The following DLGAP1 variants were observed in gnomAD, a reference collection of about 807,000 sequenced individuals.
The protein encoded by DLGAP1 is disks large-associated protein 1.
DLGAP1 carries 11 observed loss-of-function variants against 90.8 expected under a neutral mutation model. That is an observed-to-expected ratio of 0.12 (90% CI 0.08 to 0.20). DLGAP1 has a LOEUF of 0.20. Ranked by LOEUF, DLGAP1 falls within the 10% of genes least tolerant of loss-of-function variation. The pLI is 1.00. For synonymous variants in DLGAP1, 558 were observed against 540.7 expected, an observed-to-expected ratio of 1.03 and a Z score of -0.44; for missense variants, 1,050 against 1,333.8, an observed-to-expected ratio of 0.79 and a Z score of 3.31.
At chr18:3,864,210 C>T (rs1013662678) in intron 4 of DLGAP1, among the ~76,000 whole-genome samples, 3 of 152,176 alleles carry the variant, frequency 2.0e-5, no homozygotes, top group African/African-American at 4.8e-5. Context: ...GAGGGGAATA[C>T]ATGTTACAAC....
At chr18:3,746,680 A>C (rs1044857682) in intron 5 of DLGAP1, among the ~76,000 whole-genome samples, 7 of 152,164 alleles carry the variant, frequency 4.6e-5, no homozygotes, top group African/African-American at 1.7e-4. Flanking sequence ...TAAATATATA[A>C]ATTCACAGGA....
chr18:4,280,772 C>G (rs773934915), intron 1 of DLGAP1: 3 of 152,206 alleles, frequency 2.0e-5, no homozygotes, highest in Non-Finnish European at 4.4e-5. Flanking sequence ...ATGAAGTAAG[C>G]AACGATGACC....
intron 4 of DLGAP1, among the ~76,000 whole-genome samples, chr18:3,841,660 C>T (rs1040234460): frequency 8.5e-5 from 13 of 152,118 alleles, no homozygotes; most frequent in African/African-American, 3.1e-4. Flanking sequence ...ATGGGAACAA[C>T]AACACGAAGA....
chr18:4,096,089 G>A (rs185773359), intron 2 of DLGAP1, among the ~76,000 whole-genome samples: 30 of 152,266 alleles, frequency 2.0e-4, no homozygotes, highest in Middle Eastern at 3.4e-3. Flanking sequence ...GCAGTGTGGT[G>A]ATCTCAGCTC....
intron 1 of DLGAP1, among the ~76,000 whole-genome samples, chr18:4,263,067 G>T (rs569825021): frequency 4.6e-5 from 7 of 152,178 alleles, no homozygotes; most frequent in African/African-American, 1.7e-4. Context: ...CGGAGTAGCT[G>T]GGACTACAGG....
intron 7 of DLGAP1, among the ~76,000 whole-genome samples, chr18:3,632,738 T>C (rs369485656): frequency 1.3e-5 from 2 of 152,306 alleles, no homozygotes; most frequent in South Asian, 2.1e-4. Flanking sequence ...GAAGGTTATA[T>C]GTGGCCTAGA....
At chr18:3,823,405 C>T (rs531053054) in intron 4 of DLGAP1, among the ~76,000 whole-genome samples, 9 of 152,258 alleles carry the variant, frequency 5.9e-5, no homozygotes, top group African/African-American at 1.7e-4. Flanking sequence ...CATAATTTCA[C>T]GTAATACAAA....
At chr18:4,203,758 T>A (rs1354348206) in intron 1 of DLGAP1, among the ~76,000 whole-genome samples, 1 of 152,196 alleles carries the variant, frequency 6.6e-6, no homozygotes, top group Non-Finnish European at 1.5e-5. Flanking sequence ...TACTTGGCTT[T>A]GGAAGTTCAT....
chr18:3,555,904 C>G (rs573079648), intron 9 of DLGAP1, among the ~76,000 whole-genome samples: 1 of 152,088 alleles, frequency 6.6e-6, no homozygotes, highest in African/African-American at 2.4e-5. Context: ...GTAAAGGAGA[C>G]GACTTTCTCC....
chr18:3,626,297 GAA>G (rs61225561), intron 7 of DLGAP1, among the ~76,000 whole-genome samples: 19 of 127,798 alleles, frequency 1.5e-4, no homozygotes, highest in South Asian at 7.4e-4. Flanking sequence ...TCTCAAAAAA[GAA>G]AAAAAAAAAA....
chr18:3,717,521 T>C (rs80322338), intron 7 of DLGAP1, among the ~76,000 whole-genome samples: 1 of 152,060 alleles, frequency 6.6e-6, no homozygotes, highest in Non-Finnish European at 1.5e-5. Flanking sequence ...CTAGAGGTTC[T>C]TTTTTTTCCA....
chr18:3,963,155 CCTT>C (rs2073241372), intron 3 of DLGAP1, among the ~76,000 whole-genome samples: 1 of 152,050 alleles, frequency 6.6e-6, no homozygotes. Context: ...GGGGATTTTT[CCTT>C]AACTGGAACA....
chr18:4,077,420 A>AGGT (rs2075539764), intron 2 of DLGAP1, among the ~76,000 whole-genome samples: 1 of 152,120 alleles, frequency 6.6e-6, no homozygotes. Flanking sequence ...CCAGTGTCAG[A>AGGT]GGTGGTGCTC....
chr18:3,543,560 AT>A (rs1378727484), intron 9 of DLGAP1, among the ~76,000 whole-genome samples: 1 of 152,248 alleles, frequency 6.6e-6, no homozygotes, highest in Admixed American at 6.5e-5. Flanking sequence ...TATAGGCCAG[AT>A]AAAACCTATA....
chr18:3,896,428 GATAAT>G (rs2071626797), intron 3 of DLGAP1: 2 of 152,168 alleles, frequency 1.3e-5, no homozygotes, highest in Non-Finnish European at 2.9e-5. Flanking sequence ...ATACAAAAAG[GATAAT>G]ACTACCATAT....
chr18:3,669,726 G>C (rs1227261990), intron 7 of DLGAP1, among the ~76,000 whole-genome samples: 1 of 152,196 alleles, frequency 6.6e-6, no homozygotes, highest in Non-Finnish European at 1.5e-5. Context: ...CTTCTACTCA[G>C]TAAAACTTTC....
At chr18:4,157,064 G>GT (rs1426847824) in intron 1 of DLGAP1, among the ~76,000 whole-genome samples, 1 of 152,072 alleles carries the variant, frequency 6.6e-6, no homozygotes, top group Non-Finnish European at 1.5e-5. Flanking sequence ...TTTAAATCCT[G>GT]TTTTAGACGT....
At chr18:4,359,210 A>G (rs551158453) in intron 1 of DLGAP1, among the ~76,000 whole-genome samples, 71 of 152,310 alleles carry the variant, frequency 4.7e-4, no homozygotes, top group African/African-American at 1.6e-3. Flanking sequence ...GCACCTCGGT[A>G]TTTGAAAACA....
chr18:4,262,616 A>G lies in DLGAP1; in HGVS notation c.-266-111329T>C, dbSNP rs112388359. On this transcript the variant is annotated intron_variant, in intron 1 of 12. Coordinates refer to ENST00000315677, the MANE Select transcript of DLGAP1 (RefSeq NM_004746.4). ...ATCCTGTGTCTAGACATGAAAAGCA[A>G]TAGATTTTAAAATCCTCAGGGACAC... Among the ~76,000 whole-genome samples, 355 of 152,326 alleles carry G rather than the reference A, an allele frequency of 2.3e-3. 1 individual carries two copies. The highest frequency in any genetic ancestry group is 8.2e-3 in the African/African-American group (340 of 41,576).
Sources: gnomAD v4.1 joint callset for allele counts (sites outside exome capture counted in the v4.1 genomes callset) on GRCh38, gnomAD v4.1.1 for gene constraint, MANE v1.5 for transcripts, NCBI Gene and HGNC (gene_info 2026-07-23, HGNC 2026-07-21) for gene names.